AHI1: variants seen among roughly 807,000 people sequenced by gnomAD.
AHI1 encodes jouberin.
In AHI1, 123 loss-of-function variants were observed where a neutral mutation model predicts 149.3. That is an observed-to-expected ratio of 0.82 (90% confidence interval 0.71 to 0.96). AHI1 has a LOEUF of 0.96. Among genes scored for constraint, AHI1 ranks in the 40% least tolerant of loss-of-function variants. The pLI is 0.00. For synonymous variants in AHI1, 475 were observed against 459.8 expected (o/e 1.03, Z -0.42); for missense variants, 1,439 against 1,422.7 (o/e 1.01, Z -0.18).
At chr6:135,300,896 A>C (rs1433033025) in intron 26 of AHI1, 1 of 1,013,754 alleles carries the variant, frequency 9.9e-7, no homozygotes, top group Admixed American at 5.6e-5. Context: ...TTAAGCTCTA[A>C]ATATATCTTT....
intron 17 of AHI1, among the ~76,000 whole-genome samples, chr6:135,430,525 T>A: frequency 6.6e-6 from 1 of 151,864 alleles, no homozygotes; most frequent in East Asian, 1.9e-4. Context: ...ACTACTATCA[T>A]AATTATATTA....
At chr6:135,415,918 T>G (rs925801084) in intron 20 of AHI1, among the ~76,000 whole-genome samples, 3 of 152,188 alleles carry the variant, frequency 2.0e-5, no homozygotes, top group African/African-American at 7.2e-5. Flanking sequence ...GTACATGGTA[T>G]ATACAGTTTC....
chr6:135,404,366 T>A (rs1226656876), intron 22 of AHI1, among the ~76,000 whole-genome samples: 1 of 152,226 alleles, frequency 6.6e-6, no homozygotes, highest in Non-Finnish European at 1.5e-5. Flanking sequence ...TTTTGTACAC[T>A]ACCATTTTTA....
chr6:135,368,459 T>C (rs1383188811), intron 23 of AHI1, among the ~76,000 whole-genome samples: 2 of 152,170 alleles, frequency 1.3e-5, no homozygotes, highest in Non-Finnish European at 1.5e-5. Flanking sequence ...CAAGAGATTA[T>C]ATCCTTTGTC....
At chr6:135,336,877 A>C (rs1789470081) in intron 24 of AHI1, among the ~76,000 whole-genome samples, 1 of 152,220 alleles carries the variant, frequency 6.6e-6, no homozygotes, top group Admixed American at 6.5e-5. Context: ...TAACCATTTT[A>C]TACTATACAT....
intron 28 of AHI1, among the ~76,000 whole-genome samples, chr6:135,287,982 C>T (rs1781893338): frequency 6.6e-6 from 1 of 151,896 alleles, no homozygotes; most frequent in Non-Finnish European, 1.5e-5. Flanking sequence ...GTAATCCCAG[C>T]TACTCGGGAG....
Position 135,370,820 on chromosome 6 carries a change from G to C in AHI1, c.3110-12633C>G, listed in dbSNP as rs60568833. ...TGCTTTTTAAAATTTTCTTGTTTTCGGTCTATTTCAGTGGATACTCCTTTT... is the reference window on the plus strand; with the variant it reads ...TGCTTTTTAAAATTTTCTTGTTTTCCGTCTATTTCAGTGGATACTCCTTTT... On this transcript the variant is annotated intron_variant, in intron 23 of 28. Transcript: ENST00000265602. Among the ~76,000 whole-genome samples the C allele has an allele frequency of 9.4e-3, 1,428 of 151,748 alleles. 18 individuals carry two copies. The highest frequency in any genetic ancestry group is 0.032 in the African/African-American group (1,333 of 41,372).
chr6:135,425,993 C>T (rs1295151864), intron 20 of AHI1, among the ~76,000 whole-genome samples: 1 of 151,774 alleles, frequency 6.6e-6, no homozygotes, highest in Non-Finnish European at 1.5e-5. Flanking sequence ...AACTGTGCTG[C>T]CTATTTCCTG....
intron 5 of AHI1, among the ~76,000 whole-genome samples, chr6:135,471,639 C>T (rs1396303565): frequency 2.1e-5 from 3 of 142,030 alleles, no homozygotes; most frequent in African/African-American, 8.0e-5. Context: ...TATACCTTTG[C>T]CAATTTTTTA....
At chr6:135,480,072 T>C (rs1400345482) in intron 5 of AHI1, among the ~76,000 whole-genome samples, 3 of 152,228 alleles carry the variant, frequency 2.0e-5, no homozygotes, top group Non-Finnish European at 4.4e-5. Flanking sequence ...AATCTCTTTT[T>C]TTCATAAATT....
intron 3 of AHI1, among the ~76,000 whole-genome samples, chr6:135,493,703 C>G (rs1795567749): frequency 6.6e-6 from 1 of 152,238 alleles, no homozygotes; most frequent in East Asian, 1.9e-4. Flanking sequence ...CGATGGTCAT[C>G]TAATAGGCCA....
chr6:135,461,213 A>C (rs938210008), intron 8 of AHI1, among the ~76,000 whole-genome samples: 1 of 152,088 alleles, frequency 6.6e-6, no homozygotes, highest in East Asian at 1.9e-4. Context: ...CTATCACTAC[A>C]AATCAATTAG....
rs552933984 is a variant in AHI1 at position 135,287,988 on chromosome 6, G to A, written c.3589-2341C>T. Among the ~76,000 whole-genome samples, 160 of 152,002 alleles carry A rather than the reference G, an allele frequency of 1.1e-3. 3 individuals are homozygous for A. The highest frequency in any genetic ancestry group is 3.7e-3 in the African/African-American group (153 of 41,362). ...TGGGTGCCTGTAATCCCAGCTACTCGGGAGGCTGAGGCAGGAGAATCACTT... is the reference window on the plus strand; with the variant it reads ...TGGGTGCCTGTAATCCCAGCTACTCAGGAGGCTGAGGCAGGAGAATCACTT... On this transcript the variant is annotated intron_variant, in intron 28 of 28. Transcript: ENST00000265602.
chr6:135,457,621 C>G lies in AHI1; in HGVS notation c.1024G>C (p.Asp342His). 6.2e-7 allele frequency: 1 copy of G among 1,613,908 alleles called. No individual in the cohort carries two copies. The highest frequency in any genetic ancestry group is 8.5e-7 in the Non-Finnish European group (1 of 1,179,864). ...TGAATGTAAACTCCCAAGACAAGGT[C>G]ATCATCAAGCAAACATTTGGGATAA... The part of the protein sequence containing the change: ...PVYPKCLLDD[D>H]LVLGVYIHRT... The change falls in exon 9 of 29, where the codon GAC (aspartate) becomes CAC (histidine). Residue 342 changes from aspartate (D) to histidine (H), a missense_variant. Physicochemically the swap from Asp to His is moderately conservative, Grantham distance 81. Coordinates refer to ENST00000265602, the MANE Select transcript of AHI1 (RefSeq NM_001134831.2).
At chr6:135,439,471 G>A (rs924372163) in intron 14 of AHI1, among the ~76,000 whole-genome samples, 6 of 152,144 alleles carry the variant, frequency 3.9e-5, no homozygotes, top group Non-Finnish European at 8.8e-5. Flanking sequence ...GTCACAAGGT[G>A]CAAGAGTAAT....
At chr6:135,335,170 T>G (rs1241792714) in intron 24 of AHI1, among the ~76,000 whole-genome samples, 1 of 152,206 alleles carries the variant, frequency 6.6e-6, no homozygotes, top group Non-Finnish European at 1.5e-5. Flanking sequence ...TTGCTTAGTT[T>G]CCCACATGTC....
intron 24 of AHI1, among the ~76,000 whole-genome samples, chr6:135,329,402 A>G (rs369149259): frequency 4.7e-4 from 71 of 152,280 alleles, no homozygotes; most frequent in African/African-American, 1.6e-3. Flanking sequence ...GCCCTTAAGA[A>G]TTATGTTAAA....
intron 26 of AHI1, chr6:135,301,114 T>A: frequency 1.0e-6 from 1 of 985,316 alleles, no homozygotes; most frequent in Non-Finnish European, 1.2e-6. Flanking sequence ...ATCGGATACT[T>A]CCTTTAGAAT....
intron 10 of AHI1, among the ~76,000 whole-genome samples, chr6:135,454,444 C>A (rs1248834173): frequency 6.6e-6 from 1 of 152,088 alleles, no homozygotes; most frequent in Non-Finnish European, 1.5e-5. Flanking sequence ...TCTTACTGAT[C>A]TAAATGTAGG....
Sources: allele counts gnomAD v4.1 joint callset (sites outside exome capture counted in the v4.1 genomes callset), GRCh38; gene constraint gnomAD v4.1.1; transcripts MANE v1.5; gene names NCBI Gene and HGNC (gene_info 2026-07-23, HGNC 2026-07-21).